Variants in INPP4B observed in about 807,000 individuals in gnomAD.
INPP4B encodes the protein inositol polyphosphate-4-phosphatase type II B, also known as inositol polyphosphate 4-phosphatase type II.
INPP4B carries 55 observed loss-of-function variants against 122.5 expected under a neutral mutation model. The ratio of observed to expected loss-of-function variants is 0.45; its 90% CI spans 0.36 to 0.56. The LOEUF is 0.56. Ranked by LOEUF, INPP4B falls within the 20% of genes least tolerant of loss-of-function variation. The pLI is 0.00. For missense variants in INPP4B, 1,000 were observed against 1,097.7 expected, an observed-to-expected ratio of 0.91 and a Z score of 1.26; for synonymous variants, 403 against 388.7, an observed-to-expected ratio of 1.04 and a Z score of -0.43.
rs149487674 is a variant in INPP4B, at chr4:142,368,019, G to A, written c.372+34919C>T. 6.5e-3 allele frequency among the ~76,000 whole-genome samples: 991 copies of A among 152,210 alleles called. 12 individuals carry two copies. Among genetic ancestry groups the A allele is most frequent in the African/African-American group, 0.022 (907 of 41,530 alleles). On this transcript the variant is annotated intron_variant, in intron 7 of 25. Coordinates refer to ENST00000262992, the MANE Select transcript of INPP4B (RefSeq NM_001101669.3). ...TATTAAGAAACACAAACATCCAAAA[G>A]GCTCACCGTTGCCTGAAGTAACTTT... is the stretch of plus-strand genomic sequence containing the variant.
intron 1 of INPP4B, among the ~76,000 whole-genome samples, chr4:142,806,773 AAGAAAGAAAGAAG>A (rs1261433791): frequency 2.4e-5 from 2 of 82,528 alleles, no homozygotes; most frequent in African/African-American, 9.1e-5. Context: ...AGAAGAAAGA[AAGAAAGAAAGAAG>A]GAAAGAAAGA....
chr4:142,818,013 T>A (rs1194446197), intron 1 of INPP4B, among the ~76,000 whole-genome samples: 1 of 151,490 alleles, frequency 6.6e-6, no homozygotes, highest in Non-Finnish European at 1.5e-5. Flanking sequence ...AGAGAAAAAT[T>A]GAGAGGAAGA....
intron 25 of INPP4B, among the ~76,000 whole-genome samples, chr4:142,045,779 C>T (rs1751028392): frequency 6.6e-6 from 1 of 152,088 alleles, no homozygotes; most frequent in African/African-American, 2.4e-5. Context: ...ATTAATTAAG[C>T]ATCTGCATTG....
rs2152545808 is a variant in INPP4B, at chr4:142,086,184, T to C, written c.2447A>G (p.Lys816Arg). ...CATAATTTCTACATTCTTTCTTTTT[T>C]TGGATTGGATATTTTGAAGGAGATT... ...LENLLQNIQS[K>R]KRKNVEIMWL... The change falls in exon 24 of 26, where the codon AAA (lysine) becomes AGA (arginine). Residue 816 changes from lysine (K) to arginine (R), a missense_variant. Physicochemically the swap from Lys to Arg is conservative, Grantham distance 26 (BLOSUM62 2). Coordinates refer to ENST00000262992, the MANE Select transcript of INPP4B (RefSeq NM_001101669.3). 6.2e-7 allele frequency: 1 copy of C among 1,603,054 alleles called. No homozygotes were observed. The highest frequency in any genetic ancestry group is 8.5e-7 in the Non-Finnish European group (1 of 1,170,088).
At chr4:142,249,506 T>C (rs976923958) in intron 11 of INPP4B, among the ~76,000 whole-genome samples, 3 of 152,168 alleles carry the variant, frequency 2.0e-5, no homozygotes, top group Admixed American at 6.5e-5. Context: ...TATTCCTCCA[T>C]ATAAAACTGA....
At chr4:142,432,118 A>T (rs573376643) in intron 3 of INPP4B, among the ~76,000 whole-genome samples, 98 of 152,272 alleles carry the variant, frequency 6.4e-4, no homozygotes, top group Non-Finnish European at 1.2e-3. Context: ...TCAAATACTT[A>T]CAAATTCATT....
chr4:142,064,610 G>A (rs1007612389), intron 25 of INPP4B, among the ~76,000 whole-genome samples: 3 of 152,050 alleles, frequency 2.0e-5, no homozygotes, highest in South Asian at 2.1e-4. Context: ...CTTGTGAAGT[G>A]GAAGGCATTT....
chr4:142,078,147 T>C (rs1771848864), intron 25 of INPP4B, among the ~76,000 whole-genome samples: 1 of 150,558 alleles, frequency 6.6e-6, no homozygotes, highest in South Asian at 2.1e-4. Flanking sequence ...GAAAGCCCCA[T>C]CAGGAGTGTG....
At chr4:142,509,254 G>T (rs1824404477) in intron 2 of INPP4B, among the ~76,000 whole-genome samples, 1 of 152,176 alleles carries the variant, frequency 6.6e-6, no homozygotes, top group African/African-American at 2.4e-5. Context: ...TTAAATTTAA[G>T]TTCTGGGATA....
At chr4:142,063,257 C>T (rs772512708) in intron 25 of INPP4B, among the ~76,000 whole-genome samples, 6 of 152,120 alleles carry the variant, frequency 3.9e-5, no homozygotes, top group Non-Finnish European at 8.8e-5. Flanking sequence ...AACAGAAAGC[C>T]TACCTTTGTA....
chr4:142,718,581 T>C (rs558031447), intron 2 of INPP4B, among the ~76,000 whole-genome samples: 2 of 152,168 alleles, frequency 1.3e-5, no homozygotes, highest in Non-Finnish European at 2.9e-5. Flanking sequence ...CTGTGCCTTC[T>C]GTTCATGAAT....
Position 142,069,819 on chromosome 4 carries a change from C to A in INPP4B, c.2642+12212G>T, listed in dbSNP as rs1307456795. Among the ~76,000 whole-genome samples the A allele has an allele frequency of 2.6e-5, 4 of 152,032 alleles. No individual in the cohort carries two copies. The East Asian group carries it at 7.7e-4, about 29-fold the overall frequency. ...AATCCCTGAATAGACCAATAACAGG[C>A]TCTGAAATTGAGGAAATAATTAATA... is the stretch of plus-strand genomic sequence containing the variant. On this transcript the variant is annotated intron_variant, in intron 25 of 25. Transcript: ENST00000262992.
At chr4:142,808,741 T>C (rs572184404) in intron 1 of INPP4B, among the ~76,000 whole-genome samples, 1 of 152,238 alleles carries the variant, frequency 6.6e-6, no homozygotes, top group East Asian at 1.9e-4. Flanking sequence ...GAAATAACCT[T>C]TTCAGAATGT....
rs936068828 is a variant in INPP4B at position 142,123,176 on chromosome 4, T to A, written c.2017+116A>T. On this transcript the variant is annotated intron_variant, in intron 20 of 25. Coordinates refer to ENST00000262992, the MANE Select transcript of INPP4B (RefSeq NM_001101669.3). ...AAAAAACTGAAAGTTATATTATTTT[T>A]GTAATACTTGGCACAATAAAGGTTT... The A allele has an allele frequency of 3.7e-6, 3 of 815,960 alleles. No homozygotes were observed. In the African/African-American group the frequency reaches 5.3e-5, roughly 14 times the overall value. The allele number at this position is 815,960 out of a possible 1,614,324, so 50.5% of individuals were successfully genotyped here.
At chr4:142,202,715 A>ATAT in intron 14 of INPP4B, 1 of 981,574 alleles carries the variant, frequency 1.0e-6, no homozygotes, top group Non-Finnish European at 1.2e-6. Context: ...TTTAAAACAT[A>ATAT]TATTAGTTAA....
intron 2 of INPP4B, among the ~76,000 whole-genome samples, chr4:142,596,142 G>C (rs555322898): frequency 6.6e-6 from 1 of 152,130 alleles, no homozygotes; most frequent in African/African-American, 2.4e-5. Flanking sequence ...ACACCGCCCA[G>C]CCAAATTTCT....
chr4:142,255,235 A>G (rs1735124532), intron 11 of INPP4B, among the ~76,000 whole-genome samples: 1 of 152,158 alleles, frequency 6.6e-6, no homozygotes, highest in East Asian at 1.9e-4. Context: ...AACCGGTACC[A>G]GCCGCTGCAA....
intron 7 of INPP4B, among the ~76,000 whole-genome samples, chr4:142,330,437 G>C (rs1289354052): frequency 6.6e-6 from 1 of 152,204 alleles, no homozygotes; most frequent in Non-Finnish European, 1.5e-5. Flanking sequence ...GTAACTGCCT[G>C]TGAGATGGGT....
chr4:142,085,211 A>C (rs937615872), intron 24 of INPP4B, among the ~76,000 whole-genome samples: 68 of 152,202 alleles, frequency 4.5e-4, no homozygotes, highest in Non-Finnish European at 6.5e-4. Context: ...TAAATTATCC[A>C]TTCCTTTTTC....
Sources: allele counts gnomAD v4.1 joint callset (sites outside exome capture counted in the v4.1 genomes callset), GRCh38; gene constraint gnomAD v4.1.1; transcripts MANE v1.5; gene names NCBI Gene and HGNC (gene_info 2026-07-23, HGNC 2026-07-21).